TBCK: variants seen among roughly 807,000 people sequenced by gnomAD.
TBCK encodes the protein TBC domain-containing protein kinase-like protein.
Under a neutral mutation model 113.4 loss-of-function variants are expected in TBCK, and 99 were observed. The observed-to-expected ratio is 0.87, with a 90% CI of 0.74 to 1.03. TBCK has a LOEUF of 1.03. TBCK is among the 50% of genes least tolerant of loss of function. TBCK has a pLI of 0.00. For missense variants in TBCK, 1,045 were observed against 1,061.3 expected, an observed-to-expected ratio of 0.98 and a Z score of 0.21; for synonymous variants, 369 against 370.8, an observed-to-expected ratio of 1.00 and a Z score of 0.05.
chr4:106,228,954 A>G (rs985343588), intron 19 of TBCK, among the ~76,000 whole-genome samples: 7 of 151,974 alleles, frequency 4.6e-5, no homozygotes, highest in African/African-American at 1.7e-4. Context: ...GAGTGACACG[A>G]TATCTCATTG....
At chr4:106,049,447 T>C (rs1363322033) in intron 25 of TBCK, among the ~76,000 whole-genome samples, 1 of 152,080 alleles carries the variant, frequency 6.6e-6, no homozygotes, top group African/African-American at 2.4e-5. Context: ...CCAGATGAGA[T>C]GGCCACAGTT....
chr4:106,127,154 G>A (rs1745317402), intron 23 of TBCK, among the ~76,000 whole-genome samples: 1 of 144,684 alleles, frequency 6.9e-6, no homozygotes, highest in African/African-American at 2.6e-5. Flanking sequence ...ATTGCAGTGA[G>A]CTGAGATCGT....
At chr4:106,282,388 T>C (rs2125791224) in intron 3 of TBCK, among the ~76,000 whole-genome samples, 1 of 152,182 alleles carries the variant, frequency 6.6e-6, no homozygotes, top group African/African-American at 2.4e-5. Context: ...TTATTTCATT[T>C]GTTTCAATTT....
At chr4:106,111,005 G>A (rs984182070) in intron 24 of TBCK, among the ~76,000 whole-genome samples, 1 of 141,094 alleles carries the variant, frequency 7.1e-6, no homozygotes, top group Non-Finnish European at 1.6e-5. Flanking sequence ...AAAAAAAAAA[G>A]CATTAAAGAA....
chr4:106,107,433 C>A (rs910307713), intron 24 of TBCK, among the ~76,000 whole-genome samples: 1 of 152,110 alleles, frequency 6.6e-6, no homozygotes, highest in African/African-American at 2.4e-5. Flanking sequence ...TCATTCCAAA[C>A]ACTCTCTCAG....
chr4:106,203,093 G>A (rs1231396516), intron 20 of TBCK, among the ~76,000 whole-genome samples: 1 of 151,862 alleles, frequency 6.6e-6, no homozygotes, highest in African/African-American at 2.4e-5. Context: ...CAAGTTATGA[G>A]CTCTGTCAGT....
intron 23 of TBCK, among the ~76,000 whole-genome samples, chr4:106,169,807 C>G (rs147219561): frequency 2.6e-5 from 4 of 152,132 alleles, no homozygotes; most frequent in Admixed American, 1.3e-4. Context: ...CTTAATGGTC[C>G]CATCTGGGGA....
At chr4:106,073,816 C>G (rs1578816097) in intron 25 of TBCK, among the ~76,000 whole-genome samples, 1 of 152,198 alleles carries the variant, frequency 6.6e-6, no homozygotes, top group Non-Finnish European at 1.5e-5. Flanking sequence ...CAAGTCTTAG[C>G]AATGGTGGAC....
chr4:106,171,197 T>C lies in TBCK; in HGVS notation c.2133A>G (p.Arg711=), dbSNP rs746660119. ...ATGGCTTTGGAGGTTGAGCATGCTG[T>C]CTGTAAGTAGCACTTTTAGGAGTCC... ...FCWTPKSATY[R]QHAQPPKPSS... Residue 711 remains arginine (R), a synonymous_variant, in exon 23 of 26, where the codon AGA becomes AGG. Coordinates refer to ENST00000394708, the MANE Select transcript of TBCK (RefSeq NM_001163435.3). The C allele has an allele frequency of 6.2e-7, 1 of 1,612,820 alleles. No individual in the cohort carries two copies. Among genetic ancestry groups the C allele is most frequent in the East Asian group, 2.2e-5 (1 of 44,810 alleles).
intron 23 of TBCK, among the ~76,000 whole-genome samples, chr4:106,127,175 T>C (rs1173403249): frequency 8.2e-6 from 1 of 121,890 alleles, no homozygotes; most frequent in Non-Finnish European, 1.6e-5. Context: ...GCCACTGCAC[T>C]CCAGCCTGGT....
At chr4:106,230,966 A>G (rs1758793140) in intron 18 of TBCK, among the ~76,000 whole-genome samples, 1 of 151,882 alleles carries the variant, frequency 6.6e-6, no homozygotes, top group Non-Finnish European at 1.5e-5. Flanking sequence ...AATATCACAG[A>G]ACAGAGTATT....
chr4:106,155,145 ATTT>A lies in TBCK; in HGVS notation c.2235+15947_2235+15949del, dbSNP rs77812482. Among the ~76,000 whole-genome samples the A allele has an allele frequency of 1.9e-3, 280 of 146,424 alleles. 1 individual carries two copies. Among genetic ancestry groups the A allele is most frequent in the African/African-American group, 6.6e-3 (263 of 40,006 alleles). On this transcript the variant is annotated intron_variant, in intron 23 of 25. Coordinates refer to ENST00000394708, the MANE Select transcript of TBCK (RefSeq NM_001163435.3). ...GGAGGATACACTATTCTAGGGTAAA[ATTT>A]TTTTTTTTTTCAGCACTTTAAATAT...
chr4:106,173,447 G>C (rs189278211), intron 22 of TBCK, among the ~76,000 whole-genome samples: 46 of 152,218 alleles, frequency 3.0e-4, no homozygotes, highest in African/African-American at 1.1e-3. Context: ...AAAGGAAAGG[G>C]TTTCAGTCCA....
chr4:106,238,397 GA>G (rs1759711769), intron 12 of TBCK, among the ~76,000 whole-genome samples: 1 of 152,000 alleles, frequency 6.6e-6, no homozygotes, highest in African/African-American at 2.4e-5. Context: ...AAAACATAAG[GA>G]AAATGCAGTG....
intron 1 of TBCK, among the ~76,000 whole-genome samples, chr4:106,309,519 GT>G (rs1767952906): frequency 6.6e-6 from 1 of 151,728 alleles, no homozygotes; most frequent in Non-Finnish European, 1.5e-5. Context: ...GGCCAGGCTG[GT>G]CTTGAACTCC....
intron 23 of TBCK, among the ~76,000 whole-genome samples, chr4:106,153,524 G>A (rs78716662): frequency 1.1e-3 from 163 of 152,238 alleles, no homozygotes; most frequent in Non-Finnish European, 2.0e-3. Flanking sequence ...TCCATGTGAT[G>A]AGGAAATTAA....
rs1482563277 is a variant in TBCK at position 106,283,871 on chromosome 4, A to G, written c.266+11223T>C. Among the ~76,000 whole-genome samples the G allele has an allele frequency of 3.3e-5, 5 of 152,192 alleles. No homozygotes were observed. The East Asian group carries it at 9.6e-4, about 29-fold the overall frequency. ...GGAGGACTGAAGTATGGCTGAAGCCAGGAAGACCAGTTAGAACGTTACAAT... is the reference window on the plus strand; with the variant it reads ...GGAGGACTGAAGTATGGCTGAAGCCGGGAAGACCAGTTAGAACGTTACAAT... On this transcript the variant is annotated intron_variant, in intron 3 of 25. Coordinates refer to ENST00000394708, the MANE Select transcript of TBCK (RefSeq NM_001163435.3).
chr4:106,094,094 A>G (rs535674270), intron 25 of TBCK, among the ~76,000 whole-genome samples: 1 of 152,344 alleles, frequency 6.6e-6, no homozygotes, highest in South Asian at 2.1e-4. Context: ...TGAAGGCATC[A>G]AATTTGGAAA....
chr4:106,183,416 T>C (rs944077746), intron 22 of TBCK, among the ~76,000 whole-genome samples: 1 of 152,028 alleles, frequency 6.6e-6, no homozygotes, highest in African/African-American at 2.4e-5. Flanking sequence ...TCTCTCAACC[T>C]ATCCTCTACT....
Sources: allele counts gnomAD v4.1 joint callset (sites outside exome capture counted in the v4.1 genomes callset), GRCh38; gene constraint gnomAD v4.1.1; transcripts MANE v1.5; gene names NCBI Gene and HGNC (gene_info 2026-07-23, HGNC 2026-07-21).